SUSD4: variants seen among roughly 807,000 people sequenced by gnomAD.
SUSD4 encodes the protein sushi domain-containing protein 4.
In SUSD4, 41 loss-of-function variants were observed where a neutral mutation model predicts 50.5. That is an observed-to-expected ratio of 0.81 (90% CI 0.63 to 1.05). The LOEUF is 1.05. Ranked by LOEUF, SUSD4 falls within the 50% of genes least tolerant of loss-of-function variation. SUSD4 has a pLI of 0.00. For synonymous variants in SUSD4, 257 were observed against 257.3 expected (o/e 1.00, Z 0.01); for missense variants, 580 against 634.7 (o/e 0.91, Z 0.93).
intron 2 of SUSD4, chr1:223,359,040 G>A: frequency 2.1e-6 from 1 of 471,140 alleles, no homozygotes; most frequent in Non-Finnish European, 4.4e-6. Flanking sequence ...AGGGCTCCAG[G>A]AGCTCAATTC....
At chr1:223,278,374 C>A (rs1052992754) in intron 3 of SUSD4, among the ~76,000 whole-genome samples, 7 of 152,152 alleles carry the variant, frequency 4.6e-5, no homozygotes, top group Admixed American at 3.3e-4. Context: ...CCTAATACTG[C>A]GCTTCTCAAA....
At chr1:223,326,448 T>A (rs1198172928) in intron 2 of SUSD4, among the ~76,000 whole-genome samples, 1 of 152,100 alleles carries the variant, frequency 6.6e-6, no homozygotes, top group Non-Finnish European at 1.5e-5. Context: ...AAAGAATTCA[T>A]GACTAAGACC....
intron 3 of SUSD4, among the ~76,000 whole-genome samples, chr1:223,278,116 G>A (rs775660215): frequency 3.0e-4 from 45 of 152,116 alleles, no homozygotes; most frequent in Non-Finnish European, 5.6e-4. Context: ...GAACAGCTCC[G>A]GTCTATGGTT....
chr1:223,257,015 C>T (rs566581658), intron 5 of SUSD4, among the ~76,000 whole-genome samples: 126 of 152,302 alleles, frequency 8.3e-4, no homozygotes, highest in African/African-American at 2.7e-3. Flanking sequence ...ACTACCTGCA[C>T]GGTGCTTGGC....
chr1:223,337,483 T>G (rs1667524157), intron 2 of SUSD4, among the ~76,000 whole-genome samples: 1 of 152,190 alleles, frequency 6.6e-6, no homozygotes, highest in Non-Finnish European at 1.5e-5. Context: ...ATCTAAGTAA[T>G]GAACTCCTGT....
chr1:223,223,204 G>A (rs200304075), intron 8 of SUSD4, 45 bp downstream of exon 8: 98 of 1,503,708 alleles, frequency 6.5e-5, no homozygotes, highest in Admixed American at 1.3e-4. Context: ...ATGCTGGTGC[G>A]GAGGTGTTTG....
Position 223,292,319 on chromosome 1 carries a change from G to C in SUSD4, c.361+120C>G. The stretch of plus-strand genomic sequence containing the variant: ...ACTCCTGCTTTCTGGTCAGCATGCA[G>C]GTGCAGCCCTGCATCAGAGAGAAGA... On this transcript the variant is annotated intron_variant, in intron 3 of 8. Coordinates refer to ENST00000366878, the MANE Select transcript of SUSD4 (RefSeq NM_017982.4). The C allele has an allele frequency of 4.7e-6, 5 of 1,068,166 alleles. No homozygotes were observed. The South Asian group carries it at 5.7e-5, about 12-fold the overall frequency. The allele number at this position is 1,068,166 out of a possible 1,614,324, so 66.2% of individuals were successfully genotyped here. A position where few individuals can be genotyped will look rare whatever the true frequency, so the allele number is the denominator to read the frequency against.
intron 2 of SUSD4, among the ~76,000 whole-genome samples, chr1:223,342,997 T>G (rs1454946486): frequency 6.6e-6 from 1 of 152,068 alleles, no homozygotes; most frequent in African/African-American, 2.4e-5. Flanking sequence ...AAGAAAAAGA[T>G]AAAAACATTA....
chr1:223,353,226 C>T (rs965103376), intron 2 of SUSD4, among the ~76,000 whole-genome samples: 1 of 152,116 alleles, frequency 6.6e-6, no homozygotes, highest in African/African-American at 2.4e-5. Flanking sequence ...ACATCATGTC[C>T]ACACACAATG....
intron 2 of SUSD4, among the ~76,000 whole-genome samples, chr1:223,330,590 T>C (rs1361934088): frequency 6.6e-6 from 1 of 152,224 alleles, no homozygotes; most frequent in Non-Finnish European, 1.5e-5. Flanking sequence ...CAACACCATT[T>C]GTCTTAGTTA....
chr1:223,355,749 C>A (rs576316911), intron 2 of SUSD4, among the ~76,000 whole-genome samples: 9 of 152,284 alleles, frequency 5.9e-5, no homozygotes, highest in Admixed American at 1.3e-4. Flanking sequence ...CATGAGATAA[C>A]CGGGTTACAC....
At chr1:223,309,921 T>C (rs1665771271) in intron 2 of SUSD4, among the ~76,000 whole-genome samples, 1 of 152,214 alleles carries the variant, frequency 6.6e-6, no homozygotes, top group African/African-American at 2.4e-5. Context: ...CCACTGGAGT[T>C]GTGTCTCTGA....
intron 2 of SUSD4, among the ~76,000 whole-genome samples, chr1:223,356,527 C>T (rs1455541709): frequency 6.6e-6 from 1 of 152,026 alleles, no homozygotes; most frequent in African/African-American, 2.4e-5. Flanking sequence ...TCTCCCACTT[C>T]ACCCTCCCAA....
intron 2 of SUSD4, among the ~76,000 whole-genome samples, chr1:223,300,183 C>T (rs1399397444): frequency 6.6e-6 from 1 of 152,154 alleles, no homozygotes; most frequent in Non-Finnish European, 1.5e-5. Flanking sequence ...CTGACACACC[C>T]TCTCCATTAC....
intron 5 of SUSD4, among the ~76,000 whole-genome samples, chr1:223,251,285 A>G (rs1661289766): frequency 6.6e-6 from 1 of 152,220 alleles, no homozygotes; most frequent in Admixed American, 6.5e-5. Flanking sequence ...ATCATGGCAG[A>G]AGGCAAAGAA....
chr1:223,252,269 C>T (rs570405116), intron 5 of SUSD4, among the ~76,000 whole-genome samples: 1 of 137,618 alleles, frequency 7.3e-6, no homozygotes. Context: ...GAAGAAGAGG[C>T]GAGACACACA....
At chr1:223,265,588 G>A (rs1416545509) in intron 4 of SUSD4, among the ~76,000 whole-genome samples, 1 of 152,180 alleles carries the variant, frequency 6.6e-6, no homozygotes, top group African/African-American at 2.4e-5. Context: ...AACCACTGAT[G>A]TCCTGAGTCT....
intron 5 of SUSD4, chr1:223,263,904 C>T (rs1350760752): frequency 6.1e-6 from 6 of 985,306 alleles, no homozygotes; most frequent in African/African-American, 3.5e-5. Flanking sequence ...CCCATATAGA[C>T]CCCTCCTACC....
chr1:223,302,184 C>G (rs2103183063), intron 2 of SUSD4, among the ~76,000 whole-genome samples: 1 of 152,288 alleles, frequency 6.6e-6, no homozygotes, highest in East Asian at 1.9e-4. Context: ...TCACCTTCCA[C>G]CATGATTGTA....
Sources: gnomAD v4.1 joint callset for allele counts (sites outside exome capture counted in the v4.1 genomes callset) on GRCh38, gnomAD v4.1.1 for gene constraint, MANE v1.5 for transcripts, NCBI Gene and HGNC (gene_info 2026-07-23, HGNC 2026-07-21) for gene names.